The following DHX16 variants were observed in gnomAD, a reference collection of about 807,000 sequenced individuals.
The protein encoded by DHX16 is DEAH-box helicase 16, also known as pre-mRNA-splicing factor ATP-dependent RNA helicase DHX16.
DHX16 carries 81 observed loss-of-function variants against 131.2 expected under a neutral mutation model. The ratio of observed to expected loss-of-function variants is 0.62; its 90% CI spans 0.52 to 0.74. The LOEUF (loss-of-function observed/expected upper bound fraction) is 0.74, where lower values mean the gene tolerates loss of function less well. Among genes scored for constraint, DHX16 ranks in the 30% least tolerant of loss-of-function variants. The pLI, the probability that DHX16 is intolerant of heterozygous loss-of-function variation, is 0.00. For synonymous variants in DHX16, 440 were observed against 520.2 expected, an observed-to-expected ratio of 0.85 and a Z score of 2.10; for missense variants, 980 against 1,363.1, an observed-to-expected ratio of 0.72 and a Z score of 4.43.
Position 30,655,277 on chromosome 6 carries a change from C to T in DHX16, c.2721G>A (p.Ser907=), listed in dbSNP as rs1767874887. 9 of 1,614,190 alleles carry T rather than the reference C, an allele frequency of 5.6e-6. No homozygotes were observed. Among genetic ancestry groups the T allele is most frequent in the East Asian group, 2.2e-5 (1 of 44,888 alleles). ...CCCGCACATCCCGGGCTCGGCGCAT[C>T]GATCTGAACTGTACAAAGTTCTCAT... ...WCYENFVQFR[S]MRRARDVREQ... The change falls in exon 18 of 20, where the codon TCG becomes TCA. Residue 907 remains serine, a synonymous_variant. Transcript: ENST00000376442.
chr6:30,665,121 C>T lies in DHX16; in HGVS notation c.1075G>A (p.Glu359Lys). Residue 359 changes from glutamate to lysine, a missense_variant, in exon 6 of 20, where the codon GAG becomes AAG. By Grantham distance (56) the Glu-to-Lys change is moderately conservative (BLOSUM62 1). Coordinates refer to ENST00000376442, the MANE Select transcript of DHX16 (RefSeq NM_003587.5). The surrounding 1 kb of genome is among the most constrained non-coding windows in gnomAD (Gnocchi z 4.8). ...QEPKYQLVLEEEETIEFVRAT... is the reference protein window; with the variant it reads ...QEPKYQLVLEKEETIEFVRAT... ...CGGACAAACTCAATGGTCTCCTCCTCCTCCAGCACCAGTTGATACTTGGGC... is the reference window on the plus strand; with the variant it reads ...CGGACAAACTCAATGGTCTCCTCCTTCTCCAGCACCAGTTGATACTTGGGC... The T allele has an allele frequency of 1.9e-6, 3 of 1,614,072 alleles. No homozygotes were observed. The highest frequency in any genetic ancestry group is 1.6e-4 in the Middle Eastern group (1 of 6,062).
rs757267478 is a variant in DHX16, at chr6:30,671,080, T to C, written c.402A>G (p.Glu134=). Residue 134 remains glutamate (E), a synonymous_variant, in exon 2 of 20, where the codon GAA becomes GAG. Coordinates refer to ENST00000376442, the MANE Select transcript of DHX16 (RefSeq NM_003587.5). The part of the protein sequence containing the change: ...KRKHLRKKRE[E]EEEEEASEKG... Reference sequence around the variant, plus strand: ...TCTCAGAAGCCTCTTCCTCCTCTTCTTCCTCACGCTTCTTCCTGAGGTGTT... The same window carrying C: ...TCTCAGAAGCCTCTTCCTCCTCTTCCTCCTCACGCTTCTTCCTGAGGTGTT... 6.2e-7 allele frequency: 1 copy of C among 1,613,010 alleles called. No individual in the cohort carries two copies. Among genetic ancestry groups the C allele is most frequent in the Non-Finnish European group, 8.5e-7 (1 of 1,180,040 alleles).
At position 30,657,020 on chromosome 6, in the gene DHX16, A is replaced by G. The variant is rs772309170; in HGVS notation, c.2080T>C (p.Phe694Leu). 1.9e-6 allele frequency: 3 copies of G among 1,612,754 alleles called. No individual in the cohort carries two copies. The South Asian group carries it at 3.3e-5, about 18-fold the overall frequency. The change falls in exon 13 of 20, where the codon TTC (phenylalanine) becomes CTC (leucine). Residue 694 changes from phenylalanine (F) to leucine (L), a missense_variant. Physicochemically the swap from Phe to Leu is conservative, Grantham distance 22. Transcript: ENST00000376442. ...GGGTTGTAGCTCTTCTGCTTACAGA[A>G]CCCTGGATCCAGCACATAAATGATG... The part of the protein sequence containing the change: ...EGIIYVLDPG[F>L]CKQKSYNPRT...
chr6:30,665,499 G>C lies in DHX16; in HGVS notation c.901C>G (p.Pro301Ala). 6.2e-7 allele frequency: 1 copy of C among 1,613,006 alleles called. No homozygotes were observed. Among genetic ancestry groups the C allele is most frequent in the Non-Finnish European group, 8.5e-7 (1 of 1,179,990 alleles). Residue 301 changes from proline to alanine, a missense_variant, in exon 5 of 20, where the codon CCC (proline) becomes GCC (alanine). By Grantham distance (27) the Pro-to-Ala change is conservative. Transcript: ENST00000376442. The surrounding 1 kb of genome is among the most constrained non-coding windows in gnomAD (Gnocchi z 4.8). Reference protein sequence around the residue: ...KLEATNRYHMPKETRGQPARA... With the variant: ...KLEATNRYHMAKETRGQPARA... Reference sequence around the variant, plus strand: ...CTCACCTGTCCTCGGGTTTCCTTGGGCATGTGGTAGCGATTGGTGGCCTCC... The same window carrying C: ...CTCACCTGTCCTCGGGTTTCCTTGGCCATGTGGTAGCGATTGGTGGCCTCC...
rs752308609 is a variant in DHX16 at position 30,672,761 on chromosome 6, G to A, written c.81C>T (p.Ala27=). ...GCTGTGCGGTACCGATCAGAAACTGGGCGACGTGCCGCTCGCTCAGCCCCA... is the reference window on the plus strand; with the variant it reads ...GCTGTGCGGTACCGATCAGAAACTGAGCGACGTGCCGCTCGCTCAGCCCCA... ...SVLGLSERHV[A]QFLIGTAQRC... is the part of the protein sequence containing the mutation. Residue 27 remains alanine, a synonymous_variant, in exon 1 of 20, where the codon GCC becomes GCT. Transcript: ENST00000376442. 5.6e-5 allele frequency: 90 copies of A among 1,612,902 alleles called. No individual in the cohort carries two copies. Among genetic ancestry groups the A allele is most frequent in the Non-Finnish European group, 7.0e-5 (83 of 1,180,034 alleles).
intron 9 of DHX16, among the ~76,000 whole-genome samples, chr6:30,661,154 C>T (rs983608038): frequency 3.3e-5 from 5 of 151,498 alleles, no homozygotes; most frequent in African/African-American, 7.3e-5. Context: ...CTCGGCTCAC[C>T]GCAAGCTCCG....
rs1475198810 is a variant in DHX16 at position 30,671,045 on chromosome 6, T to G, written c.437A>C (p.Lys146Thr). The change falls in exon 2 of 20, where the codon AAG becomes ACG. Residue 146 changes from lysine (K) to threonine (T), a missense_variant. This residue lies in a region of DHX16 where 457 missense variants were observed against 554.8 expected (regional missense o/e 0.82). Transcript: ENST00000376442. ...CCTGCTTCTGACTTACCCTGTTTTC[T>G]TCTTCCCTTTCTCAGAAGCCTCTTC... Reference protein sequence around the residue: ...EEEEASEKGKKKTGGSKQQTE... With the variant: ...EEEEASEKGKTKTGGSKQQTE... 1 of 1,613,054 alleles carries G rather than the reference T, an allele frequency of 6.2e-7. No individual in the cohort carries two copies. The highest frequency in any genetic ancestry group is 2.2e-5 in the East Asian group (1 of 44,886).
chr6:30,667,035 A>T (rs926451521), intron 4 of DHX16, among the ~76,000 whole-genome samples: 2 of 152,108 alleles, frequency 1.3e-5, no homozygotes, highest in African/African-American at 4.8e-5. Context: ...ATGATGTGAG[A>T]TTATAAAATA....
chr6:30,662,198 G>T lies in DHX16; in HGVS notation c.1544+429C>A, dbSNP rs1430384823. Among the ~76,000 whole-genome samples, 1 of 152,168 alleles carries T rather than the reference G, an allele frequency of 6.6e-6. No individual in the cohort carries two copies. Among genetic ancestry groups the T allele is most frequent in the Non-Finnish European group, 1.5e-5 (1 of 68,014 alleles). ...TGAGGGTTACTCAGCCATTGGTATT[G>T]AGTTGGAATCTGTCTCCCTGTAACC... On this transcript the variant is annotated intron_variant, in intron 9 of 19. Transcript: ENST00000376442. The surrounding 1 kb of genome is among the most constrained non-coding windows in gnomAD (Gnocchi z 4.7).
intron 19 of DHX16, 45 bp downstream of exon 19, chr6:30,654,661 C>G (rs776282239): frequency 1.9e-6 from 3 of 1,564,800 alleles, no homozygotes; most frequent in Non-Finnish European, 2.6e-6. Context: ...GACACCATCT[C>G]TCTACATAGT....
Position 30,673,000 on chromosome 6 carries a change from G to T in DHX16, c.-159C>A. On this transcript the variant is annotated 5_prime_UTR_variant, in exon 1 of 20. Coordinates refer to ENST00000376442, the MANE Select transcript of DHX16 (RefSeq NM_003587.5). Reference sequence around the variant, plus strand: ...TCCGACATCCCAAAGCTGTCTTCCCGTACCGCGGAGCCCGGAAGGGGCTGT... The same window carrying T: ...TCCGACATCCCAAAGCTGTCTTCCCTTACCGCGGAGCCCGGAAGGGGCTGT... 6.5e-7 allele frequency: 1 copy of T among 1,550,034 alleles called. No homozygotes were observed. Among genetic ancestry groups the T allele is most frequent in the Non-Finnish European group, 8.7e-7 (1 of 1,146,094 alleles).
Position 30,671,099 on chromosome 6 carries a change from A to G in DHX16, c.383T>C (p.Leu128Pro), listed in dbSNP as rs1445003953. 2 of 1,612,736 alleles carry G rather than the reference A, an allele frequency of 1.2e-6. No individual in the cohort carries two copies. Among genetic ancestry groups the G allele is most frequent in the Admixed American group, 1.7e-5 (1 of 59,992 alleles). Residue 128 changes from leucine to proline, a missense_variant, in exon 2 of 20, where the codon CTC becomes CCC. Physicochemically the swap from Leu to Pro is moderately conservative, Grantham distance 98 (BLOSUM62 -3). Transcript: ENST00000376442. ...CTCTTCTTCCTCACGCTTCTTCCTG[A>G]GGTGTTTCCGCTTTTTACGTTTCTT... ...LQKKRKKRKH[L>P]RKKREEEEEE...
chr6:30,653,831 A>C (rs1031009821), intron 19 of DHX16, among the ~76,000 whole-genome samples: 4 of 152,278 alleles, frequency 2.6e-5, no homozygotes, highest in Non-Finnish European at 5.9e-5. Context: ...AGAAAAGTCT[A>C]GAACAACATG....
chr6:30,655,719 T>G (rs753772044), intron 16 of DHX16, 122 bp from the exon 17 acceptor site: 77 of 1,157,372 alleles, frequency 6.7e-5, no homozygotes, highest in Non-Finnish European at 9.1e-5. Context: ...GTTGGCATAA[T>G]GGCTACAAAG....
At position 30,664,932 on chromosome 6, in the gene DHX16, G is replaced by A. The variant is rs778338647; in HGVS notation, c.1186C>T (p.Arg396Cys). Reference sequence around the variant, plus strand: ...AATGGGAACACCGGGAGGCTGCGGCGGACGGCCTGGATGGACTCTTTCTGC... The same window carrying A: ...AATGGGAACACCGGGAGGCTGCGGCAGACGGCCTGGATGGACTCTTTCTGC... Reference protein sequence around the residue: ...AQQKESIQAVRRSLPVFPFRE... With the variant: ...AQQKESIQAVCRSLPVFPFRE... Residue 396 changes from arginine (R) to cysteine (C), a missense_variant, in exon 7 of 20, where the codon CGC becomes TGC. This residue lies in a region of DHX16 where 457 missense variants were observed against 554.8 expected (regional missense o/e 0.82). Transcript: ENST00000376442. 21 of 1,613,722 alleles carry A rather than the reference G, an allele frequency of 1.3e-5. No homozygotes were observed. The highest frequency in any genetic ancestry group is 1.7e-5 in the Non-Finnish European group (20 of 1,180,028).
In DHX16 at chr6:30,671,135, C is replaced by T; in HGVS notation, c.347G>A (p.Ser116Asn). Residue 116 changes from serine (S) to asparagine (N), a missense_variant, in exon 2 of 20, where the codon AGC becomes AAC. By Grantham distance (46) the Ser-to-Asn change is conservative. Coordinates refer to ENST00000376442, the MANE Select transcript of DHX16 (RefSeq NM_003587.5). ...CTTTTTACGTTTCTTCTGGAGGCTGCTTCCAGCCCTACTCACAGTCTCCTC... is the reference window on the plus strand; with the variant it reads ...CTTTTTACGTTTCTTCTGGAGGCTGTTTCCAGCCCTACTCACAGTCTCCTC... ...SSEETVSRAG[S>N]SLQKKRKKRK... The T allele has an allele frequency of 6.2e-7, 1 of 1,613,112 alleles. No individual in the cohort carries two copies. Among genetic ancestry groups the T allele is most frequent in the Non-Finnish European group, 8.5e-7 (1 of 1,180,036 alleles).
At chr6:30,661,020 C>T (rs1013639684) in intron 9 of DHX16, among the ~76,000 whole-genome samples, 1 of 151,724 alleles carries the variant, frequency 6.6e-6, no homozygotes, top group African/African-American at 2.4e-5. Context: ...GCCTCAGCCT[C>T]CCAAGTAGCT....
intron 4 of DHX16, among the ~76,000 whole-genome samples, chr6:30,666,524 C>A (rs1769057226): frequency 6.6e-6 from 1 of 152,058 alleles, no homozygotes; most frequent in Non-Finnish European, 1.5e-5. Context: ...CCTCTGGTGG[C>A]TGGGTGGGCG....
In DHX16 at chr6:30,657,078, C is replaced by A. The variant is rs767416745; in HGVS notation, c.2022G>T (p.Thr674=). The change falls in exon 13 of 20, where the codon ACG becomes ACT. Residue 674 remains threonine, a synonymous_variant. Transcript: ENST00000376442. The part of the protein sequence containing the change: ...PPGARKVVVA[T]NIAETSLTIE... ...TGGTGAGTGATGTCTCAGCAATGTT[C>A]GTTGCCACAACCACCTGAGTGATAG... is the stretch of plus-strand genomic sequence containing the variant. 14 of 1,612,562 alleles carry A rather than the reference C, an allele frequency of 8.7e-6. No individual in the cohort carries two copies. In the South Asian group the frequency reaches 1.3e-4, roughly 15 times the overall value.
Sources: allele counts gnomAD v4.1 joint callset (sites outside exome capture counted in the v4.1 genomes callset), GRCh38; gene constraint gnomAD v4.1.1; regional missense constraint gnomAD v4.1.1; non-coding constraint Gnocchi (gnomAD v3.1); transcripts MANE v1.5; gene names NCBI Gene and HGNC (gene_info 2026-07-23, HGNC 2026-07-21).